The following XCR1 variants were observed in gnomAD, a reference collection of about 807,000 sequenced individuals.
XCR1 encodes the protein chemokine XC receptor 1.
For missense variants in XCR1, 356 were observed against 424.2 expected (o/e 0.84, Z 1.41); for synonymous variants, 187 against 188.5 (o/e 0.99, Z 0.06).
chr3:46,039,596 A>G, intron 5 of XCR1, among the ~76,000 whole-genome samples: 1 of 152,192 alleles, frequency 6.6e-6, no homozygotes, highest in East Asian at 1.9e-4. Flanking sequence ...CCTGAGTCTG[A>G]AAAAGGCACT....
chr3:46,074,534 G>T (rs1698225708), intron 3 of XCR1, among the ~76,000 whole-genome samples: 1 of 151,924 alleles, frequency 6.6e-6, no homozygotes, highest in South Asian at 2.1e-4. Flanking sequence ...TTATTTGGGT[G>T]ATAGATACAC....
At position 46,021,640 on chromosome 3, in the gene XCR1, T is replaced by C. The variant is rs1708154536; in HGVS notation, c.308A>G (p.Lys103Arg). ...WGWVLGDFLC[K>R]LLNMIFSISL... ...GATGGAGAAGATCATATTGAGGAGT[T>C]TGCAGAGGAAGTCTCCCAGCACCCA... The change falls in exon 2 of 2, where the codon AAA (lysine) becomes AGA (arginine). Residue 103 changes from lysine to arginine, a missense_variant. Coordinates refer to ENST00000309285, the MANE Select transcript of XCR1 (RefSeq NM_001024644.2). This position sits in a 1 kb window ranked among gnomAD's most constrained non-coding sequence, Gnocchi z 4.7. 1.2e-6 allele frequency: 2 copies of C among 1,613,482 alleles called. No individual in the cohort carries two copies. The highest frequency in any genetic ancestry group is 8.5e-7 in the Non-Finnish European group (1 of 1,179,908).
chr3:46,048,213 C>G (rs1299715669), intron 5 of XCR1, among the ~76,000 whole-genome samples: 1 of 152,206 alleles, frequency 6.6e-6, no homozygotes, highest in Non-Finnish European at 1.5e-5. Flanking sequence ...GGAGCCCACT[C>G]TCCCTGATTG....
At chr3:46,045,561 T>G (rs1334158172) in intron 5 of XCR1, among the ~76,000 whole-genome samples, 1 of 152,154 alleles carries the variant, frequency 6.6e-6, no homozygotes, top group Non-Finnish European at 1.5e-5. Flanking sequence ...TTCAACATAA[T>G]TCAACACTCA....
At chr3:46,030,602 A>G (rs772736950), upstream of XCR1, among the ~76,000 whole-genome samples, 5 of 152,252 alleles carry the variant, frequency 3.3e-5, no homozygotes, top group Non-Finnish European at 7.3e-5. Flanking sequence ...GAGCTCGATT[A>G]TAACTAGGAG....
chr3:46,023,494 C>T, intron 1 of XCR1: 3 of 1,565,376 alleles, frequency 1.9e-6, no homozygotes, highest in Non-Finnish European at 2.6e-6. Flanking sequence ...CCACATGAAA[C>T]AGCTCCTCCT....
chr3:46,071,653 A>G (rs1316038399), intron 3 of XCR1, among the ~76,000 whole-genome samples: 1 of 152,254 alleles, frequency 6.6e-6, no homozygotes, highest in Non-Finnish European at 1.5e-5. Context: ...GGATGATTCA[A>G]CATATGCAAA....
At chr3:46,037,629 G>GAA (rs1234592346) in intron 5 of XCR1, among the ~76,000 whole-genome samples, 1 of 152,104 alleles carries the variant, frequency 6.6e-6, no homozygotes, top group African/African-American at 2.4e-5. Flanking sequence ...AGAGAAAATA[G>GAA]AAAGTTGAAA....
intron 1 of XCR1, among the ~76,000 whole-genome samples, chr3:46,082,428 C>CAT (rs1258335937): frequency 2.7e-5 from 4 of 148,042 alleles, no homozygotes; most frequent in South Asian, 4.4e-4. Context: ...CACACACACA[C>CAT]ATATATTCTC....
intron 5 of XCR1, among the ~76,000 whole-genome samples, chr3:46,051,295 G>A (rs1697738781): frequency 2.0e-5 from 3 of 152,156 alleles, no homozygotes; most frequent in Admixed American, 6.5e-5. Context: ...ATCCCATGCT[G>A]TAAGTCAGTC....
chr3:46,025,460 C>G (rs1190109500), intron 1 of XCR1, among the ~76,000 whole-genome samples: 1 of 151,920 alleles, frequency 6.6e-6, no homozygotes, highest in Non-Finnish European at 1.5e-5. Context: ...TTGATGAAGC[C>G]TTATCTAGAT....
chr3:46,028,605 T>C (rs1708343415), upstream of XCR1, among the ~76,000 whole-genome samples: 1 of 151,872 alleles, frequency 6.6e-6, no homozygotes, highest in Non-Finnish European at 1.5e-5. Context: ...TTCCTTTTTT[T>C]TTTTGAGGCA....
intron 1 of XCR1, among the ~76,000 whole-genome samples, chr3:46,025,229 GACA>G: frequency 6.6e-6 from 1 of 152,160 alleles, no homozygotes; most frequent in African/African-American, 2.4e-5. Flanking sequence ...TTGGTTGTTT[GACA>G]ACATTTTAAT....
chr3:46,051,298 A>G (rs1451983799), intron 5 of XCR1, among the ~76,000 whole-genome samples: 1 of 152,214 alleles, frequency 6.6e-6, no homozygotes, highest in Non-Finnish European at 1.5e-5. Flanking sequence ...CCATGCTGTA[A>G]GTCAGTCTTG....
rs1382445406 is a variant in XCR1, at chr3:46,045,570, C to T, written c.-32+8350G>A. Among the ~76,000 whole-genome samples, 3 of 152,126 alleles carry T rather than the reference C, an allele frequency of 2.0e-5. No homozygotes were observed. The East Asian group carries it at 5.8e-4, about 29-fold the overall frequency. On this transcript the variant is annotated intron_variant, in intron 5 of 5. Coordinates refer to the XCR1 transcript ENST00000683768. The stretch of plus-strand genomic sequence containing the variant: ...AAAGCATTCAACATAATTCAACACT[C>T]ATTCATGATAAACACTCTCAGCAAA...
At chr3:46,078,539 TAGG>T (rs1698301909) in intron 1 of XCR1, among the ~76,000 whole-genome samples, 1 of 151,944 alleles carries the variant, frequency 6.6e-6, no homozygotes, top group Non-Finnish European at 1.5e-5. Context: ...AGAAAAAGGG[TAGG>T]GGGAACAGCG....
intron 4 of XCR1, among the ~76,000 whole-genome samples, chr3:46,057,010 A>T (rs1046988130): frequency 1.3e-5 from 2 of 152,210 alleles, no homozygotes; most frequent in Non-Finnish European, 2.9e-5. Flanking sequence ...CACACAGTGA[A>T]ATACTCTCAG....
intron 1 of XCR1, among the ~76,000 whole-genome samples, chr3:46,081,671 G>C (rs1395491389): frequency 6.6e-6 from 1 of 151,312 alleles, no homozygotes; most frequent in Non-Finnish European, 1.5e-5. Flanking sequence ...AGAGTGATTT[G>C]CAACTATTCC....
At chr3:46,047,853 T>C (rs1484309910) in intron 5 of XCR1, among the ~76,000 whole-genome samples, 1 of 152,220 alleles carries the variant, frequency 6.6e-6, no homozygotes, top group African/African-American at 2.4e-5. Context: ...AGGTCCGCAA[T>C]GTCTCCAGTT....
Sources: gnomAD v4.1 joint callset for allele counts (sites outside exome capture counted in the v4.1 genomes callset) on GRCh38, gnomAD v4.1.1 for gene constraint, Gnocchi (gnomAD v3.1) non-coding constraint, MANE v1.5 for transcripts, NCBI Gene and HGNC (gene_info 2026-07-23, HGNC 2026-07-21) for gene names.